The following IL3RA variants were observed in gnomAD, a reference collection of about 807,000 sequenced individuals.
The protein encoded by IL3RA is interleukin-3 receptor subunit alpha.
In IL3RA, 73 loss-of-function variants were observed where a neutral mutation model predicts 52.3. The observed-to-expected ratio is 1.40, with a 90% CI of 1.16 to 1.70. The LOEUF is 1.70. Among genes scored for constraint, IL3RA ranks in the 40% most tolerant of loss-of-function variants. IL3RA has a pLI of 0.00. For missense variants in IL3RA, 664 were observed against 504.4 expected (o/e 1.32, Z -3.03); for synonymous variants, 260 against 194.0 (o/e 1.34, Z -2.83).
intron 9 of IL3RA, among the ~76,000 whole-genome samples, chrX:1,377,566 C>T (rs1490360590): frequency 6.7e-6 from 1 of 149,394 alleles, no homozygotes; most frequent in Non-Finnish European, 1.5e-5. Flanking sequence ...CTGAAGCCAC[C>T]AAGCTGTGGG....
At position 1,362,152 on chromosome X, in the gene IL3RA, G is replaced by C. The variant is rs773415149; in HGVS notation, c.760-2986G>C. Reference sequence around the variant, plus strand: ...TATGTCTCTCTGTTTCTGTTTTTCTGTTTTTCTCTTTCCCTCTCTCTTTGT... The same window carrying C: ...TATGTCTCTCTGTTTCTGTTTTTCTCTTTTTCTCTTTCCCTCTCTCTTTGT... On this transcript the variant is annotated intron_variant, in intron 8 of 11. Transcript: ENST00000331035. Among the ~76,000 whole-genome samples the C allele has an allele frequency of 3.0e-3, 344 of 113,092 alleles. 3 individuals are homozygous for C. The highest frequency in any genetic ancestry group is 0.016 in the African/African-American group (326 of 20,516). The allele number at this position is 113,092 out of a possible 152,430, so 74.2% of individuals were successfully genotyped here. A position where few individuals can be genotyped will look rare whatever the true frequency, so the allele number is the denominator to read the frequency against.
intron 3 of IL3RA, among the ~76,000 whole-genome samples, chrX:1,345,946 C>T (rs1467353758): frequency 3.8e-4 from 58 of 152,082 alleles, no homozygotes; most frequent in East Asian, 1.9e-3. Context: ...TCCCCGTCCG[C>T]GGGACATCTA....
At chrX:1,348,582 C>A (rs780156685) in intron 4 of IL3RA, 37 bp downstream of exon 4, 2 of 1,426,578 alleles carry the variant, frequency 1.4e-6, no homozygotes, top group Non-Finnish European at 2.0e-6. Flanking sequence ...ATTCTCTATT[C>A]CCTCCCTCCT....
At chrX:1,378,629 G>T (rs747124142) in intron 9 of IL3RA, 30 bp from the exon 10 acceptor site, 3 of 1,595,328 alleles carry the variant, frequency 1.9e-6, no homozygotes, top group Non-Finnish European at 2.6e-6. Flanking sequence ...ACGGCCCCCG[G>T]TCTGTGACCC....
intron 4 of IL3RA, among the ~76,000 whole-genome samples, chrX:1,351,622 C>G (rs1201419296): frequency 2.8e-5 from 4 of 144,118 alleles, no homozygotes; most frequent in Non-Finnish European, 6.1e-5. Context: ...AGCCACCATG[C>G]CTGGGTTTGT....
rs765844881 is a variant in IL3RA, at chrX:1,382,474, T to C, written c.*9T>C. On this transcript the variant is annotated 3_prime_UTR_variant, in exon 12 of 12. Coordinates refer to ENST00000331035, the MANE Select transcript of IL3RA (RefSeq NM_002183.4). ...TCGTGCAGAAAACTTGAGACTGGGG[T>C]TCAGGGCTTGTGGGGGTCTGCCTCA... 6.2e-7 allele frequency: 1 copy of C among 1,613,164 alleles called. No individual in the cohort carries two copies. The highest frequency in any genetic ancestry group is 8.5e-7 in the Non-Finnish European group (1 of 1,179,412).
chrX:1,342,458 G>A (rs1169334549), intron 2 of IL3RA, among the ~76,000 whole-genome samples: 20 of 151,936 alleles, frequency 1.3e-4, no homozygotes, highest in Admixed American at 9.2e-4. Flanking sequence ...GAGCCACAGC[G>A]CCCGGCCTTT....
At chrX:1,340,092 G>A (rs1438623503) in intron 1 of IL3RA, among the ~76,000 whole-genome samples, 1 of 149,764 alleles carries the variant, frequency 6.7e-6, no homozygotes, top group African/African-American at 2.4e-5. Flanking sequence ...AACCCCCAGG[G>A]CAGCAACTCT....
intron 9 of IL3RA, among the ~76,000 whole-genome samples, chrX:1,377,577 A>T (rs764441196): frequency 6.7e-6 from 1 of 148,154 alleles, no homozygotes. Context: ...AAGCTGTGGG[A>T]CTTTTTTATG....
At chrX:1,362,140 TTC>T (rs1381753721) in intron 8 of IL3RA, among the ~76,000 whole-genome samples, 15 of 135,310 alleles carry the variant, frequency 1.1e-4, no homozygotes, top group Middle Eastern at 3.5e-3. Flanking sequence ...GTCTCTCTGT[TTC>T]TGTTTTTCTG....
intron 6 of IL3RA, among the ~76,000 whole-genome samples, chrX:1,353,585 C>G: frequency 8.3e-5 from 1 of 12,072 alleles, no homozygotes; most frequent in African/African-American, 6.2e-4. Context: ...ATCATGGGTT[C>G]CACATGGGAT....
At chrX:1,351,402 C>T (rs1373043221) in intron 4 of IL3RA, among the ~76,000 whole-genome samples, 1 of 152,028 alleles carries the variant, frequency 6.6e-6, no homozygotes, top group African/African-American at 2.4e-5. Context: ...GGCCTGGGCT[C>T]ACTGCAACCT....
intron 6 of IL3RA, among the ~76,000 whole-genome samples, chrX:1,354,586 G>A (rs1198281231): frequency 2.5e-5 from 3 of 121,600 alleles, no homozygotes; most frequent in Non-Finnish European, 5.1e-5. Context: ...GAAGAAAACG[G>A]AGAAAGAGGA....
At chrX:1,342,191 G>A (rs7885688) in intron 2 of IL3RA, among the ~76,000 whole-genome samples, 130,593 of 151,966 alleles carry the variant, frequency 0.86, 56,645 homozygotes, top group Non-Finnish European at 0.93. Context: ...TTGGAGACAG[G>A]GTCTTACTGT....
chrX:1,343,220 C>G (rs1444666987), intron 2 of IL3RA, among the ~76,000 whole-genome samples: 1 of 152,012 alleles, frequency 6.6e-6, no homozygotes, highest in Non-Finnish European at 1.5e-5. Context: ...CTTATCAAAC[C>G]AAGGTTGCTG....
intron 8 of IL3RA, among the ~76,000 whole-genome samples, chrX:1,362,138 GTTTCTGTT>G (rs1382939072): frequency 5.7e-4 from 75 of 131,014 alleles, no homozygotes; most frequent in Admixed American, 1.8e-3. Flanking sequence ...ATGTCTCTCT[GTTTCTGTT>G]TTTCTGTTTT....
intron 3 of IL3RA, among the ~76,000 whole-genome samples, chrX:1,347,814 G>A (rs1184862930): frequency 6.6e-6 from 1 of 151,502 alleles, no homozygotes; most frequent in Non-Finnish European, 1.5e-5. Context: ...CGAGGAGGGT[G>A]GATCACGAGG....
Position 1,352,201 on chromosome X carries a change from G to A in IL3RA, c.400G>A (p.Val134Ile). The change falls in exon 5 of 12, where the codon GTC becomes ATC. Residue 134 changes from valine to isoleucine, a missense_variant. Transcript: ENST00000331035. Reference sequence around the variant, plus strand: ...GGTAGGCCCGGGGGCCCCCGCGGACGTCCAGTACGACCTGTACTTGAACGT... The same window carrying A: ...GGTAGGCCCGGGGGCCCCCGCGGACATCCAGTACGACCTGTACTTGAACGT... ...WAVGPGAPADVQYDLYLNVAN... is the reference protein window; with the variant it reads ...WAVGPGAPADIQYDLYLNVAN... 1.2e-6 allele frequency: 2 copies of A among 1,613,768 alleles called. No homozygotes were observed. The highest frequency in any genetic ancestry group is 1.3e-5 in the African/African-American group (1 of 75,058).
intron 9 of IL3RA, among the ~76,000 whole-genome samples, chrX:1,366,873 G>C (rs748461298): frequency 2.8e-5 from 1 of 35,238 alleles, no homozygotes; most frequent in African/African-American, 1.4e-4. Flanking sequence ...CGGGGTGCGC[G>C]GGGTGAGCGG....
Sources: allele counts gnomAD v4.1 joint callset (sites outside exome capture counted in the v4.1 genomes callset), GRCh38; gene constraint gnomAD v4.1.1; transcripts MANE v1.5; gene names NCBI Gene and HGNC (gene_info 2026-07-23, HGNC 2026-07-21).